SLC22A9: variants seen among roughly 807,000 people sequenced by gnomAD.
SLC22A9 encodes the protein organic anion transporter 7.
A neutral mutation model predicts 50.1 loss-of-function variants in SLC22A9; 64 were observed. The ratio of observed to expected loss-of-function variants is 1.28; its 90% CI spans 1.04 to 1.57. SLC22A9 has a LOEUF of 1.57. SLC22A9 is among the 40% of genes most tolerant of loss of function. The probability of loss-of-function intolerance (pLI) is 0.00; values close to 1 mark genes in which losing one functional copy is unlikely to be tolerated. For synonymous variants in SLC22A9, 261 were observed against 242.5 expected, an observed-to-expected ratio of 1.08 and a Z score of -0.71; for missense variants, 757 against 676.1, an observed-to-expected ratio of 1.12 and a Z score of -1.33.
chr11:63,405,299 T>G (rs537473), intron 6 of SLC22A9, among the ~76,000 whole-genome samples: 73,630 of 151,900 alleles, frequency 0.48, 22,171 homozygotes, highest in African/African-American at 0.82. Context: ...CAAAGTTATC[T>G]CTGGCTTCTG....
intron 6 of SLC22A9, among the ~76,000 whole-genome samples, chr11:63,389,172 AT>A (rs755335173): frequency 1.1e-4 from 17 of 149,084 alleles, no homozygotes; most frequent in South Asian, 2.1e-4. Flanking sequence ...TTCTGCTCTA[AT>A]TTTTTTTTTA....
Position 63,370,450 on chromosome 11 carries a change from G to A in SLC22A9, c.394G>A (p.Val132Met), listed in dbSNP as rs140912333. The A allele has an allele frequency of 1.7e-4, 273 of 1,584,276 alleles. No individual in the cohort carries two copies. The highest frequency in any genetic ancestry group is 2.1e-4 in the Non-Finnish European group (240 of 1,165,874). The change falls in exon 1 of 10, where the codon GTG (valine) becomes ATG (methionine). Residue 132 changes from valine to methionine, a missense_variant. By Grantham distance (21) the Val-to-Met change is conservative. Coordinates refer to ENST00000279178, the MANE Select transcript of SLC22A9 (RefSeq NM_080866.3). ...CAGAATCTCCTTCTCATCCACCATC[G>A]TGACTGAGGTAAGAGGCTCTGTTCT... ...YDRISFSSTIVTEWDLVCDSQ... is the reference protein window; with the variant it reads ...YDRISFSSTIMTEWDLVCDSQ...
Position 63,382,265 on chromosome 11 carries a change from T to G in SLC22A9, c.1061T>G (p.Leu354Arg). The change falls in exon 6 of 10, where the codon CTG (leucine) becomes CGG (arginine). Residue 354 changes from leucine to arginine, a missense_variant. By Grantham distance (102) the Leu-to-Arg change is moderately radical. Transcript: ENST00000279178. ...MPNICKRISLLSFTRFANFMA... is the reference protein window; with the variant it reads ...MPNICKRISLRSFTRFANFMA... ...AACATATGTAAAAGGATCTCCCTCC[T>G]GTCCTTTACGAGGTAAGCTTCATGC... 1 of 1,606,200 alleles carries G rather than the reference T, an allele frequency of 6.2e-7. No homozygotes were observed. Among genetic ancestry groups the G allele is most frequent in the African/African-American group, 1.3e-5 (1 of 74,374 alleles).
chr11:63,377,630 C>T (rs1287285030), intron 5 of SLC22A9, among the ~76,000 whole-genome samples: 3 of 151,970 alleles, frequency 2.0e-5, no homozygotes, highest in African/African-American at 7.2e-5. Context: ...ACAACCTAAC[C>T]TCAAACCTAT....
In SLC22A9 at chr11:63,407,097, G is replaced by C. The variant is rs113465679; in HGVS notation, c.1288+386G>C. Among the ~76,000 whole-genome samples the C allele has an allele frequency of 3.1e-3, 474 of 152,182 alleles. 1 individual carries two copies. The highest frequency in any genetic ancestry group is 0.011 in the African/African-American group (456 of 41,530). On this transcript the variant is annotated intron_variant, in intron 7 of 9. Transcript: ENST00000279178. ...CATAATACTGCTACTTCCTCTGTCT[G>C]GGCTCTTTCTTATTACTACAGCTTC...
intron 6 of SLC22A9, among the ~76,000 whole-genome samples, chr11:63,393,362 T>G (rs2014797569): frequency 6.6e-6 from 1 of 152,148 alleles, no homozygotes; most frequent in Admixed American, 6.6e-5. Flanking sequence ...TGCTGAATTC[T>G]TTTATCAGTT....
At chr11:63,382,012 C>T (rs752332963) in intron 5 of SLC22A9, 147 bp from the exon 6 acceptor site, 1 of 605,336 alleles carries the variant, frequency 1.7e-6, no homozygotes, top group South Asian at 2.3e-5. Flanking sequence ...ATCATTTTTA[C>T]ACATATCATT....
At chr11:63,391,053 T>C (rs954561132) in intron 6 of SLC22A9, among the ~76,000 whole-genome samples, 1 of 152,142 alleles carries the variant, frequency 6.6e-6, no homozygotes, top group African/African-American at 2.4e-5. Flanking sequence ...ACTTTTAAAC[T>C]TCCTTCTTAA....
intron 6 of SLC22A9, among the ~76,000 whole-genome samples, chr11:63,400,299 A>T (rs1591026483): frequency 6.6e-6 from 1 of 152,020 alleles, no homozygotes; most frequent in Admixed American, 6.6e-5. Context: ...AACAAAAATA[A>T]ATCAAATTGA....
At chr11:63,390,408 T>G (rs942654363) in intron 6 of SLC22A9, among the ~76,000 whole-genome samples, 2 of 152,104 alleles carry the variant, frequency 1.3e-5, no homozygotes, top group Non-Finnish European at 2.9e-5. Flanking sequence ...AGCCAGTTTT[T>G]CCAGCACCAT....
At chr11:63,370,821 T>A (rs2014341767) in intron 1 of SLC22A9, among the ~76,000 whole-genome samples, 2 of 152,088 alleles carry the variant, frequency 1.3e-5, no homozygotes, top group Non-Finnish European at 2.9e-5. Context: ...CCTAAAACAA[T>A]CATATGAGAA....
intron 6 of SLC22A9, among the ~76,000 whole-genome samples, chr11:63,386,169 TG>T (rs1346013887): frequency 1.3e-5 from 2 of 152,130 alleles, no homozygotes; most frequent in Admixed American, 6.6e-5. Flanking sequence ...TAAGCTTTTT[TG>T]TGTGCTGCTG....
chr11:63,405,497 A>T (rs1411191876), intron 6 of SLC22A9, among the ~76,000 whole-genome samples: 1 of 152,216 alleles, frequency 6.6e-6, no homozygotes, highest in South Asian at 2.1e-4. Flanking sequence ...ACTCCTTTCT[A>T]TGCTAATAAA....
intron 6 of SLC22A9, among the ~76,000 whole-genome samples, chr11:63,393,682 G>A (rs370916111): frequency 1.3e-5 from 2 of 151,980 alleles, no homozygotes; most frequent in Non-Finnish European, 2.9e-5. Flanking sequence ...AGTCTGATGG[G>A]GTTCCCTTTG....
chr11:63,384,667 T>C (rs1380384081), intron 6 of SLC22A9, among the ~76,000 whole-genome samples: 1 of 152,206 alleles, frequency 6.6e-6, no homozygotes, highest in African/African-American at 2.4e-5. Context: ...AGTAATGGAA[T>C]TGCTGGGTCA....
intron 9 of SLC22A9, 45 bp from the exon 10 acceptor site, chr11:63,409,757 T>C: frequency 6.3e-7 from 1 of 1,576,176 alleles, no homozygotes; most frequent in Admixed American, 1.8e-5. Context: ...GTCCATGTCT[T>C]TTCATTTTTG....
At chr11:63,409,082 A>G (rs1003969460) in intron 9 of SLC22A9, among the ~76,000 whole-genome samples, 7 of 152,170 alleles carry the variant, frequency 4.6e-5, no homozygotes, top group African/African-American at 1.7e-4. Flanking sequence ...TCCAGATCAC[A>G]CAGACCAGCT....
At chr11:63,399,379 G>A (rs558633572) in intron 6 of SLC22A9, among the ~76,000 whole-genome samples, 45 of 152,086 alleles carry the variant, frequency 3.0e-4, no homozygotes, top group African/African-American at 9.6e-4. Flanking sequence ...CAAACAGAGG[G>A]CAAAAAAGAG....
At chr11:63,393,592 A>G (rs951148496) in intron 6 of SLC22A9, among the ~76,000 whole-genome samples, 2 of 152,022 alleles carry the variant, frequency 1.3e-5, no homozygotes, top group Non-Finnish European at 2.9e-5. Flanking sequence ...ACATTGATGT[A>G]TGTCCTTTGT....
Sources: gnomAD v4.1 joint callset for allele counts (sites outside exome capture counted in the v4.1 genomes callset) on GRCh38, gnomAD v4.1.1 for gene constraint, MANE v1.5 for transcripts, NCBI Gene and HGNC (gene_info 2026-07-23, HGNC 2026-07-21) for gene names.